Variants in GORASP2 observed in about 807,000 individuals in gnomAD.
GORASP2 encodes golgi reassembly stacking protein 2.
Under a neutral mutation model 45.7 loss-of-function variants are expected in GORASP2, and 22 were observed. The ratio of observed to expected loss-of-function variants is 0.48; its 90% confidence interval spans 0.34 to 0.69. The LOEUF (loss-of-function observed/expected upper bound fraction) is 0.69. Among genes scored for constraint, GORASP2 ranks in the 30% least tolerant of loss-of-function variants. GORASP2 has a pLI of 0.01. For synonymous variants in GORASP2, 221 were observed against 215.6 expected, an observed-to-expected ratio of 1.02 and a Z score of -0.22; for missense variants, 491 against 562.7, an observed-to-expected ratio of 0.87 and a Z score of 1.29.
At position 170,954,632 on chromosome 2, in the gene GORASP2, A is replaced by G. The variant is rs201059026; in HGVS notation, c.567-18A>G. 2 of 1,596,848 alleles carry G rather than the reference A, an allele frequency of 1.3e-6. No homozygotes were observed. The highest frequency in any genetic ancestry group is 1.7e-6 in the Non-Finnish European group (2 of 1,170,526). ...AGCTGTGATAGATAACAACGTTAAG[A>G]AAAAAATGTTTTTATAGCCTAGGAT... On this transcript the variant is annotated intron_variant, in intron 5 of 9. Transcript: ENST00000234160.
upstream of GORASP2, chr2:170,929,040 A>G (rs1703745872): frequency 1.2e-5 from 4 of 329,228 alleles, no homozygotes; most frequent in Non-Finnish European, 2.2e-5. Flanking sequence ...GGGGAAGCGC[A>G]TTTCTGTTCT....
intron 9 of GORASP2, 81 bp downstream of exon 9, chr2:170,963,027 T>G: frequency 1.2e-6 from 1 of 868,282 alleles, no homozygotes. Flanking sequence ...CAGTTTTTTC[T>G]GGAGAGAGCA....
At chr2:170,945,411 A>G (rs1032009497) in intron 1 of GORASP2, among the ~76,000 whole-genome samples, 2 of 151,704 alleles carry the variant, frequency 1.3e-5, no homozygotes, top group African/African-American at 2.4e-5. Flanking sequence ...ATGGTGGTGC[A>G]CACGTGTCCC....
chr2:170,959,403 A>G (rs1331472770), intron 7 of GORASP2, among the ~76,000 whole-genome samples: 1 of 152,252 alleles, frequency 6.6e-6, no homozygotes, highest in African/African-American at 2.4e-5. Context: ...TCCCTGGCTT[A>G]TGGCACTGCA....
intron 1 of GORASP2, among the ~76,000 whole-genome samples, chr2:170,937,245 G>A (rs1364301078): frequency 6.6e-6 from 1 of 152,170 alleles, no homozygotes; most frequent in South Asian, 2.1e-4. Flanking sequence ...GTTTTGCTCT[G>A]TTGCCCAGGC....
At position 170,944,106 on chromosome 2, in the gene GORASP2, G is replaced by A. The variant is rs892873777; in HGVS notation, c.64-4244G>A. 5.3e-5 allele frequency among the ~76,000 whole-genome samples: 8 copies of A among 152,170 alleles called. No homozygotes were observed. In the East Asian group the frequency reaches 5.8e-4, roughly 11 times the overall value. ...TTAGTTAAGATGACTTGAAGAAAGCGAAGATAAATTAATAATCAGGAGATC... is the reference window on the plus strand; with the variant it reads ...TTAGTTAAGATGACTTGAAGAAAGCAAAGATAAATTAATAATCAGGAGATC... On this transcript the variant is annotated intron_variant, in intron 1 of 9. Coordinates refer to ENST00000234160, the MANE Select transcript of GORASP2 (RefSeq NM_015530.5).
intron 9 of GORASP2, among the ~76,000 whole-genome samples, chr2:170,965,324 G>T (rs929089278): frequency 1.3e-5 from 2 of 152,212 alleles, no homozygotes; most frequent in African/African-American, 4.8e-5. Flanking sequence ...TGGAAAGGGC[G>T]AGAATCCAGG....
upstream of GORASP2, chr2:170,928,856 C>G (rs910261622): frequency 5.9e-5 from 9 of 153,294 alleles, no homozygotes; most frequent in African/African-American, 2.2e-4. Flanking sequence ...CCTACACACC[C>G]GGAGAACAGA....
In GORASP2 at chr2:170,945,532, C is replaced by T. The variant is rs546640545; in HGVS notation, c.64-2818C>T. 6.8e-5 allele frequency among the ~76,000 whole-genome samples: 10 copies of T among 147,712 alleles called. No individual in the cohort carries two copies. In the South Asian group the frequency reaches 1.3e-3, roughly 19 times the overall value. On this transcript the variant is annotated intron_variant, in intron 1 of 9. Coordinates refer to ENST00000234160, the MANE Select transcript of GORASP2 (RefSeq NM_015530.5). The stretch of plus-strand genomic sequence containing the variant: ...AAAAAAAAAGAAGAAGAAGAAGAAA[C>T]TGAACACCTTTAATAGATCCCTTTG...
chr2:170,944,175 G>A (rs1391877687), intron 1 of GORASP2, among the ~76,000 whole-genome samples: 8 of 152,192 alleles, frequency 5.3e-5, no homozygotes, highest in Non-Finnish European at 1.0e-4. Context: ...TGATGCTTGA[G>A]AGATTACGTG....
Position 170,965,777 on chromosome 2 carries a change from G to A in GORASP2, c.1019-13G>A, listed in dbSNP as rs770358909. 46 of 1,592,724 alleles carry A rather than the reference G, an allele frequency of 2.9e-5. No homozygotes were observed. The highest frequency in any genetic ancestry group is 5.0e-5 in the Admixed American group (3 of 59,978). ...GCTGGGAGGATGTATGATCTATGCCGTTTTTGTCCTAGGTCTGCCACCTCT... is the reference window on the plus strand; with the variant it reads ...GCTGGGAGGATGTATGATCTATGCCATTTTTGTCCTAGGTCTGCCACCTCT... On this transcript the variant is annotated splice_polypyrimidine_tract_variant and intron_variant, in intron 9 of 9. Coordinates refer to ENST00000234160, the MANE Select transcript of GORASP2 (RefSeq NM_015530.5).
In GORASP2 at chr2:170,962,866, C is replaced by G. The variant is rs1355162676; in HGVS notation, c.938C>G (p.Pro313Arg). 6.2e-7 allele frequency: 1 copy of G among 1,613,840 alleles called. No homozygotes were observed. The highest frequency in any genetic ancestry group is 8.5e-7 in the Non-Finnish European group (1 of 1,179,852). The change falls in exon 9 of 10, where the codon CCC (proline) becomes CGC (arginine). Residue 313 changes from proline (P) to arginine (R), a missense_variant. By Grantham distance (103) the Pro-to-Arg change is moderately radical. Coordinates refer to ENST00000234160, the MANE Select transcript of GORASP2 (RefSeq NM_015530.5). ...PGLMPLPAGL[P>R]NLPNLNLNLP... Reference sequence around the variant, plus strand: ...CTGATGCCTTTACCAGCAGGACTGCCCAACCTCCCCAACCTCAACCTCAAC... The same window carrying G: ...CTGATGCCTTTACCAGCAGGACTGCGCAACCTCCCCAACCTCAACCTCAAC...
chr2:170,948,822 A>G (rs964886884), intron 2 of GORASP2: 1 of 158,886 alleles, frequency 6.3e-6, no homozygotes, highest in African/African-American at 2.4e-5. Flanking sequence ...GCTAAGTTTC[A>G]CAATATATGA....
intron 1 of GORASP2, 124 bp downstream of exon 1, chr2:170,929,527 C>A: frequency 2.4e-6 from 2 of 822,966 alleles, no homozygotes; most frequent in South Asian, 2.4e-5. Flanking sequence ...GAGCGGCGGT[C>A]GCGGGCGCTG....
intron 8 of GORASP2, 118 bp downstream of exon 8, chr2:170,961,867 G>T (rs1704569817): frequency 4.2e-6 from 3 of 722,438 alleles, no homozygotes; most frequent in Non-Finnish European, 2.5e-6. Flanking sequence ...TTTAATCTCA[G>T]TTTATCTCTG....
chr2:170,949,109 A>T (rs1704240834), intron 2 of GORASP2, among the ~76,000 whole-genome samples: 1 of 152,194 alleles, frequency 6.6e-6, no homozygotes, highest in South Asian at 2.1e-4. Flanking sequence ...TGCTGTTTCT[A>T]CTTTCTTTTC....
chr2:170,962,784 A>G, intron 8 of GORASP2, 55 bp from the exon 9 acceptor site: 1 of 1,194,184 alleles, frequency 8.4e-7, no homozygotes, highest in South Asian at 1.2e-5. Context: ...ACGAGGATTT[A>G]TTTCTTCCCC....
intron 7 of GORASP2, 69 bp from the exon 8 acceptor site, chr2:170,961,594 C>A: frequency 4.6e-6 from 4 of 862,756 alleles, no homozygotes; most frequent in Non-Finnish European, 8.1e-6. Context: ...GCAGATTGTC[C>A]TAATGTGTTC....
chr2:170,931,193 C>T (rs1404353549), intron 1 of GORASP2, among the ~76,000 whole-genome samples: 2 of 152,178 alleles, frequency 1.3e-5, no homozygotes, highest in Non-Finnish European at 2.9e-5. Flanking sequence ...TACCAATCTG[C>T]ATCTGGAGCA....
Sources: allele counts gnomAD v4.1 joint callset (sites outside exome capture counted in the v4.1 genomes callset), GRCh38; gene constraint gnomAD v4.1.1; transcripts MANE v1.5; gene names NCBI Gene and HGNC (gene_info 2026-07-23, HGNC 2026-07-21).